Variants in TUSC3 observed in about 807,000 individuals in gnomAD.
TUSC3 encodes dolichyl-diphosphooligosaccharide--protein glycosyltransferase subunit TUSC3.
A neutral mutation model predicts 44.8 loss-of-function variants in TUSC3; 45 were observed. The observed-to-expected ratio is 1.00, with a 90% CI of 0.79 to 1.29. The LOEUF (loss-of-function observed/expected upper bound fraction) is 1.29, where lower values mean the gene tolerates loss of function less well. Among genes scored for constraint, TUSC3 ranks in the 50% most tolerant of loss-of-function variants. TUSC3 has a pLI of 0.00. For synonymous variants in TUSC3, 212 were observed against 152.9 expected (o/e 1.39, Z -2.85); for missense variants, 519 against 437.9 (o/e 1.19, Z -1.65).
chr8:15,631,708 G>A (rs1585173215), intron 2 of TUSC3, among the ~76,000 whole-genome samples: 1 of 126,204 alleles, frequency 7.9e-6, no homozygotes. Context: ...GTGTGTGTGT[G>A]TTTTGTTTTG....
At chr8:15,623,832 G>T (rs1318331246) in intron 2 of TUSC3, among the ~76,000 whole-genome samples, 1 of 152,042 alleles carries the variant, frequency 6.6e-6, no homozygotes, top group Non-Finnish European at 1.5e-5. Flanking sequence ...GTTTCCTCCA[G>T]TGGTAACCTG....
At chr8:15,608,893 A>G (rs557559753) in intron 1 of TUSC3, among the ~76,000 whole-genome samples, 1 of 152,186 alleles carries the variant, frequency 6.6e-6, no homozygotes, top group Non-Finnish European at 1.5e-5. Flanking sequence ...CCTTTGTACA[A>G]AATAACCAAA....
the TUSC3 span, among the ~76,000 whole-genome samples, chr8:15,823,266 C>A: frequency 6.6e-6 from 1 of 152,116 alleles, no homozygotes; most frequent in Non-Finnish European, 1.5e-5. Context: ...CATAGTCCTA[C>A]TTTTCTGGTG....
Position 15,743,524 on chromosome 8 carries a change from G to C in TUSC3, c.863-14G>C. The C allele has an allele frequency of 6.2e-7, 1 of 1,613,740 alleles. No individual in the cohort carries two copies. Among genetic ancestry groups the C allele is most frequent in the Non-Finnish European group, 8.5e-7 (1 of 1,179,702 alleles). ...TCACATCTATGTCTACGGCTTCCTTGACAACTACTGCAGATGCCGCTATCA... is the reference window on the plus strand; with the variant it reads ...TCACATCTATGTCTACGGCTTCCTTCACAACTACTGCAGATGCCGCTATCA... On this transcript the variant is annotated splice_polypyrimidine_tract_variant and intron_variant, in intron 7 of 10. Coordinates refer to ENST00000503731, the MANE Select transcript of TUSC3 (RefSeq NM_006765.4).
At chr8:15,523,317 G>A (rs1801322602) in intron 2 of TUSC3, among the ~76,000 whole-genome samples, 1 of 152,052 alleles carries the variant, frequency 6.6e-6, no homozygotes, top group African/African-American at 2.4e-5. Flanking sequence ...AAGATGAGAA[G>A]CGGCACAGGG....
chr8:15,450,843 A>C (rs1031292489), intron 1 of TUSC3, among the ~76,000 whole-genome samples: 5 of 152,060 alleles, frequency 3.3e-5, no homozygotes, highest in African/African-American at 1.2e-4. Flanking sequence ...AATTCATAGA[A>C]CCTCCAGAGG....
intron 2 of TUSC3, among the ~76,000 whole-genome samples, chr8:15,504,633 T>A (rs1004582409): frequency 1.9e-5 from 2 of 106,396 alleles, no homozygotes; most frequent in Admixed American, 1.0e-4. Context: ...TTTTTTTTTT[T>A]TTTTTTTTTA....
rs1423246753 is a variant in TUSC3, at chr8:15,512,924, A to G, written n.189+29441A>G. Among the ~76,000 whole-genome samples the G allele has an allele frequency of 2.7e-4, 12 of 44,994 alleles. No homozygotes were observed. The East Asian group carries it at 7.1e-3, about 27-fold the overall frequency. The allele number at this position is 44,994 out of a possible 152,430, so 29.5% of individuals were successfully genotyped here. On this transcript the variant is annotated intron_variant and non_coding_transcript_variant, in intron 2 of 5. Coordinates refer to the TUSC3 transcript ENST00000503191. Reference sequence around the variant, plus strand: ...TCGGTGTATATATATGTATCTATATATATAATCATATATATATATATATAT... The same window carrying G: ...TCGGTGTATATATATGTATCTATATGTATAATCATATATATATATATATAT...
At chr8:15,680,843 T>C (rs891673184) in intron 6 of TUSC3, among the ~76,000 whole-genome samples, 5 of 152,102 alleles carry the variant, frequency 3.3e-5, no homozygotes, top group Admixed American at 1.3e-4. Context: ...TGTGATGATA[T>C]GGTTTTGTTT....
At chr8:15,761,321 C>G (rs1283676763) in intron 10 of TUSC3, among the ~76,000 whole-genome samples, 1 of 152,108 alleles carries the variant, frequency 6.6e-6, no homozygotes, top group Admixed American at 6.5e-5. Flanking sequence ...GAAGTTTCTT[C>G]TTTGTGTAAA....
chr8:15,572,788 G>A (rs547917007), intron 1 of TUSC3, among the ~76,000 whole-genome samples: 1 of 152,244 alleles, frequency 6.6e-6, no homozygotes, highest in African/African-American at 2.4e-5. Flanking sequence ...GAGAAGAGTG[G>A]AGGTGGGGAA....
At chr8:15,566,939 G>T (rs1802701621) in intron 1 of TUSC3, among the ~76,000 whole-genome samples, 2 of 152,072 alleles carry the variant, frequency 1.3e-5, no homozygotes, top group Admixed American at 6.6e-5. Flanking sequence ...TATTCTTACA[G>T]GTTGTAACAT....
intron 2 of TUSC3, among the ~76,000 whole-genome samples, chr8:15,500,883 C>G (rs1800953064): frequency 6.6e-6 from 1 of 152,106 alleles, no homozygotes; most frequent in Non-Finnish European, 1.5e-5. Context: ...CTAGCCTTGG[C>G]CTTTTTAACC....
chr8:15,425,716 C>G (rs1028751681), intron 1 of TUSC3, among the ~76,000 whole-genome samples: 2 of 152,194 alleles, frequency 1.3e-5, no homozygotes, highest in African/African-American at 2.4e-5. Flanking sequence ...TAACAAATCT[C>G]TCATGGCTTT....
chr8:15,464,199 A>G (rs552283184), intron 1 of TUSC3, among the ~76,000 whole-genome samples: 5 of 152,180 alleles, frequency 3.3e-5, no homozygotes, highest in African/African-American at 7.2e-5. Flanking sequence ...GTGTGTTTCA[A>G]TAGAGCAAAT....
intron 6 of TUSC3, among the ~76,000 whole-genome samples, chr8:15,728,335 G>A (rs893859219): frequency 2.6e-5 from 4 of 151,936 alleles, no homozygotes; most frequent in Non-Finnish European, 5.9e-5. Flanking sequence ...ACAAATCTTT[G>A]GGCCTTATAT....
At chr8:15,593,803 C>T (rs1220795566) in intron 1 of TUSC3, among the ~76,000 whole-genome samples, 2 of 151,966 alleles carry the variant, frequency 1.3e-5, no homozygotes, top group Non-Finnish European at 2.9e-5. Context: ...TGTTGTTTAC[C>T]ATCGTCCAGT....
Position 15,554,647 on chromosome 8 carries a change from G to A in TUSC3, c.138+14079G>A, listed in dbSNP as rs1336000268. On this transcript the variant is annotated intron_variant, in intron 1 of 10. Transcript: ENST00000503731. Reference sequence around the variant, plus strand: ...AGATGGAGTCTCACTCTGTCGCCCAGGCTGGAGTGCAGTGGCGTGATTTCA... The same window carrying A: ...AGATGGAGTCTCACTCTGTCGCCCAAGCTGGAGTGCAGTGGCGTGATTTCA... Among the ~76,000 whole-genome samples the A allele has an allele frequency of 2.3e-5, 3 of 133,320 alleles. No individual in the cohort carries two copies. The Admixed American group carries it at 2.6e-4, about 11-fold the overall frequency. 87.5% of individuals were successfully genotyped at this position (133,320 alleles called of 152,430 possible). A position where few individuals can be genotyped will look rare whatever the true frequency, so the allele number is the denominator to read the frequency against.
chr8:15,651,319 T>C (rs1806893937), intron 3 of TUSC3, among the ~76,000 whole-genome samples: 1 of 152,234 alleles, frequency 6.6e-6, no homozygotes, highest in African/African-American at 2.4e-5. Flanking sequence ...TTTACTTAAC[T>C]GTTATTTTTT....
Sources: allele counts gnomAD v4.1 joint callset (sites outside exome capture counted in the v4.1 genomes callset), GRCh38; gene constraint gnomAD v4.1.1; transcripts MANE v1.5; gene names NCBI Gene and HGNC (gene_info 2026-07-23, HGNC 2026-07-21).